The following PLCL1 variants were observed in gnomAD, a reference collection of about 807,000 sequenced individuals.
PLCL1 encodes inactive phospholipase C-like protein 1.
In PLCL1, 41 loss-of-function variants were observed where a neutral mutation model predicts 84.4. That is an observed-to-expected ratio of 0.49 (90% confidence interval 0.38 to 0.63). The LOEUF (loss-of-function observed/expected upper bound fraction) is 0.63. PLCL1 is among the 30% of genes least tolerant of loss of function. The pLI is 0.00. For missense variants in PLCL1, 1,206 were observed against 1,367.8 expected (o/e 0.88, Z 1.87); for synonymous variants, 490 against 488.3 (o/e 1.00, Z -0.05).
intron 1 of PLCL1, among the ~76,000 whole-genome samples, chr2:197,964,186 A>G (rs1574971964): frequency 3.9e-5 from 6 of 152,046 alleles, no homozygotes; most frequent in Non-Finnish European, 7.4e-5. Context: ...GATTTCTTTC[A>G]GTAGTATGAA....
intron 1 of PLCL1, among the ~76,000 whole-genome samples, chr2:197,968,219 A>T (rs1218992571): frequency 2.0e-5 from 3 of 152,140 alleles, no homozygotes; most frequent in Non-Finnish European, 4.4e-5. Context: ...TATTTTCTTT[A>T]ATCTTCACTA....
intron 1 of PLCL1, among the ~76,000 whole-genome samples, chr2:197,993,678 A>G (rs542541507): frequency 1.3e-5 from 2 of 152,278 alleles, no homozygotes; most frequent in South Asian, 2.1e-4. Context: ...GAAGCTGTCA[A>G]CTTCTCTAGA....
At position 197,857,137 on chromosome 2, in the gene PLCL1, G is replaced by T. The variant is rs112044866; in HGVS notation, c.240+51798G>T. ...CCTGCACATGTACCCCTGAACTTAA[G>T]ATAAAAGTTGGAAATTTAAAAAAAA... On this transcript the variant is annotated intron_variant, in intron 1 of 5. Coordinates refer to ENST00000428675, the MANE Select transcript of PLCL1 (RefSeq NM_006226.4). Among the ~76,000 whole-genome samples the T allele has an allele frequency of 8.6e-5, 13 of 151,002 alleles. 3 individuals carry two copies. The highest frequency in any genetic ancestry group is 3.2e-4 in the African/African-American group (13 of 41,188).
At chr2:198,056,244 AT>A (rs1468361715) in intron 1 of PLCL1, among the ~76,000 whole-genome samples, 1 of 152,152 alleles carries the variant, frequency 6.6e-6, no homozygotes, top group African/African-American at 2.4e-5. Flanking sequence ...TAGCAACAGA[AT>A]TTTTCATCAG....
chr2:197,822,831 G>C lies in PLCL1; in HGVS notation c.240+17492G>C, dbSNP rs143288603. On this transcript the variant is annotated intron_variant, in intron 1 of 5. Transcript: ENST00000428675. ...GTATTTCTACAAATGTAACCATCAG[G>C]AGAATTGTTTTTCTGGAAAAAAATA... Among the ~76,000 whole-genome samples, 1,202 of 152,140 alleles carry C rather than the reference G, an allele frequency of 7.9e-3. 17 individuals are homozygous for C. The highest frequency in any genetic ancestry group is 0.028 in the African/African-American group (1,153 of 41,510).
At chr2:197,875,765 G>C (rs1462110769) in intron 1 of PLCL1, among the ~76,000 whole-genome samples, 1 of 150,128 alleles carries the variant, frequency 6.7e-6, no homozygotes, top group African/African-American at 2.4e-5. Context: ...CATTTGTTTT[G>C]TCTCTATTGT....
At chr2:197,870,373 A>G (rs1235685252) in intron 1 of PLCL1, among the ~76,000 whole-genome samples, 1 of 152,054 alleles carries the variant, frequency 6.6e-6, no homozygotes, top group Admixed American at 6.6e-5. Flanking sequence ...CCTTTTTAAC[A>G]TAGAATGTAG....
intron 1 of PLCL1, among the ~76,000 whole-genome samples, chr2:197,867,466 C>T (rs891753999): frequency 6.6e-6 from 1 of 151,498 alleles, no homozygotes; most frequent in Non-Finnish European, 1.5e-5. Flanking sequence ...ATTTTCTCTT[C>T]GAGGAGTACT....
chr2:198,146,737 C>T lies in PLCL1; in HGVS notation c.3106-43C>T, dbSNP rs757417787. The T allele has an allele frequency of 1.0e-5, 16 of 1,541,124 alleles. No individual in the cohort carries two copies. The African/African-American group carries it at 2.0e-4, about 20-fold the overall frequency. On this transcript the variant is annotated intron_variant, in intron 5 of 5. Coordinates refer to ENST00000428675, the MANE Select transcript of PLCL1 (RefSeq NM_006226.4). ...GTGATGTCACTCAGCACATGCCTGGCCCATAACTGTCTTCTTTGATGCCTG... is the reference window on the plus strand; with the variant it reads ...GTGATGTCACTCAGCACATGCCTGGTCCATAACTGTCTTCTTTGATGCCTG...
chr2:198,042,817 G>A (rs1691695383), intron 1 of PLCL1, among the ~76,000 whole-genome samples: 1 of 152,130 alleles, frequency 6.6e-6, no homozygotes. Flanking sequence ...AATAAATGAT[G>A]CCACCAGTTA....
rs542133642 is a variant in PLCL1 at position 198,079,646 on chromosome 2, A to G, written c.241-4112A>G. Reference sequence around the variant, plus strand: ...TTCTGATGATTGAATCCTTTATAAGATATTGAATAATTTCAAAAGACAGTA... The same window carrying G: ...TTCTGATGATTGAATCCTTTATAAGGTATTGAATAATTTCAAAAGACAGTA... On this transcript the variant is annotated intron_variant, in intron 1 of 5. Coordinates refer to ENST00000428675, the MANE Select transcript of PLCL1 (RefSeq NM_006226.4). Among the ~76,000 whole-genome samples, 3 of 152,308 alleles carry G rather than the reference A, an allele frequency of 2.0e-5. No individual in the cohort carries two copies. The South Asian group carries it at 6.2e-4, about 32-fold the overall frequency.
intron 1 of PLCL1, among the ~76,000 whole-genome samples, chr2:197,863,094 A>T (rs1687463440): frequency 6.7e-6 from 1 of 150,212 alleles, no homozygotes; most frequent in African/African-American, 2.5e-5. Context: ...GTTTTTGTGT[A>T]TTTTGCTCTC....
intron 1 of PLCL1, among the ~76,000 whole-genome samples, chr2:197,849,410 A>G (rs1393245328): frequency 1.3e-5 from 2 of 152,012 alleles, no homozygotes; most frequent in Non-Finnish European, 2.9e-5. Context: ...AGCAAAAGAA[A>G]AAAGGCTTTT....
intron 1 of PLCL1, among the ~76,000 whole-genome samples, chr2:197,953,276 C>T (rs970179715): frequency 2.0e-5 from 3 of 152,084 alleles, no homozygotes; most frequent in African/African-American, 7.2e-5. Flanking sequence ...CCAGAAGACA[C>T]TTACCAGTGC....
Position 198,045,891 on chromosome 2 carries a change from A to C in PLCL1, c.241-37867A>C, listed in dbSNP as rs540427258. Reference sequence around the variant, plus strand: ...TTGGAAGTGAGCCCTAACAGGGTACACATGTACCATTTTATTTGACAGAGA... The same window carrying C: ...TTGGAAGTGAGCCCTAACAGGGTACCCATGTACCATTTTATTTGACAGAGA... On this transcript the variant is annotated intron_variant, in intron 1 of 5. Coordinates refer to ENST00000428675, the MANE Select transcript of PLCL1 (RefSeq NM_006226.4). Among the ~76,000 whole-genome samples, 21 of 152,350 alleles carry C rather than the reference A, an allele frequency of 1.4e-4. No homozygotes were observed. In the South Asian group the frequency reaches 1.7e-3, roughly 12 times the overall value.
intron 1 of PLCL1, among the ~76,000 whole-genome samples, chr2:197,905,738 C>T (rs1688369360): frequency 6.6e-6 from 1 of 152,190 alleles, no homozygotes; most frequent in Admixed American, 6.5e-5. Flanking sequence ...TCTGTTGTTT[C>T]CTAACTTCCT....
intron 5 of PLCL1, among the ~76,000 whole-genome samples, chr2:198,137,557 T>A (rs1694283849): frequency 6.6e-6 from 1 of 152,050 alleles, no homozygotes; most frequent in Admixed American, 6.5e-5. Context: ...CATGTATATC[T>A]GTATCTGTAA....
At chr2:197,982,482 C>T (rs1394432679) in intron 1 of PLCL1, among the ~76,000 whole-genome samples, 2 of 152,034 alleles carry the variant, frequency 1.3e-5, no homozygotes, top group East Asian at 1.9e-4. Flanking sequence ...TTCTGTTTCC[C>T]GATCTCTTCC....
At chr2:197,884,656 A>C (rs1489201617) in intron 1 of PLCL1, among the ~76,000 whole-genome samples, 1 of 152,174 alleles carries the variant, frequency 6.6e-6, no homozygotes, top group Admixed American at 6.5e-5. Flanking sequence ...TTTGAGGTTC[A>C]TTCACCAATC....
Sources: allele counts gnomAD v4.1 joint callset (sites outside exome capture counted in the v4.1 genomes callset), GRCh38; gene constraint gnomAD v4.1.1; transcripts MANE v1.5; gene names NCBI Gene and HGNC (gene_info 2026-07-23, HGNC 2026-07-21).